LGR6: variants seen among roughly 807,000 people sequenced by gnomAD.
LGR6 encodes leucine-rich repeat-containing G protein-coupled receptor 6.
LGR6 carries 45 observed loss-of-function variants against 69.4 expected under a neutral mutation model. The observed-to-expected ratio is 0.65, with a 90% CI of 0.51 to 0.83. LGR6 has a LOEUF of 0.83. Among genes scored for constraint, LGR6 ranks in the 40% least tolerant of loss-of-function variants. The probability of loss-of-function intolerance (pLI) is 0.00; values close to 1 mark genes in which losing one functional copy is unlikely to be tolerated. For synonymous variants in LGR6, 538 were observed against 555.0 expected (o/e 0.97, Z 0.43); for missense variants, 1,108 against 1,246.7 (o/e 0.89, Z 1.68).
Position 202,231,324 on chromosome 1 carries a change from A to G in LGR6, c.356+3317A>G, listed in dbSNP as rs1219578886. ...ATGAACTGAATTGAACTGACCCACG[A>G]AGGGAAATGCTGGTCATTTGGGAGT... On this transcript the variant is annotated intron_variant, in intron 3 of 17. Transcript: ENST00000367278. 4.6e-5 allele frequency among the ~76,000 whole-genome samples: 7 copies of G among 152,198 alleles called. No individual in the cohort carries two copies. In the East Asian group the frequency reaches 1.3e-3, roughly 29 times the overall value.
chr1:202,287,432 A>G (rs189056801), intron 6 of LGR6, among the ~76,000 whole-genome samples: 8 of 152,230 alleles, frequency 5.3e-5, no homozygotes, highest in African/African-American at 1.9e-4. Flanking sequence ...CCCAAGGCTC[A>G]AGTTCTGTTT....
intron 6 of LGR6, among the ~76,000 whole-genome samples, chr1:202,287,456 TC>T (rs1027726846): frequency 1.3e-5 from 2 of 152,140 alleles, no homozygotes; most frequent in African/African-American, 4.8e-5. Context: ...CTTCTCTCCC[TC>T]CATGTTCTCA....
rs1003255641 is a variant in LGR6, at chr1:202,268,229, GCTGGCACCTGGCA to G, written c.429-8071_429-8059del. Among the ~76,000 whole-genome samples, 1 of 152,226 alleles carries G rather than the reference GCTGGCACCTGGCA, an allele frequency of 6.6e-6. No homozygotes were observed. The highest frequency in any genetic ancestry group is 2.4e-5 in the African/African-American group (1 of 41,466). On this transcript the variant is annotated intron_variant, in intron 4 of 17. Coordinates refer to ENST00000367278, the MANE Select transcript of LGR6 (RefSeq NM_001017403.2). This position sits in a 1 kb window ranked among gnomAD's most constrained non-coding sequence, Gnocchi z 4.4. ...GAGCCCCGTGGCCCTCCGTGCAGAA[GCTGGCACCTGGCA>G]CTGGCGGCTGGTGCTGGTGTGGGAG... is the stretch of plus-strand genomic sequence containing the variant.
At chr1:202,245,610 G>T in intron 4 of LGR6, among the ~76,000 whole-genome samples, 1 of 152,226 alleles carries the variant, frequency 6.6e-6, no homozygotes, top group Non-Finnish European at 1.5e-5. Context: ...TGCCCTCTGC[G>T]CCCCACAGAG....
At chr1:202,239,344 G>GGTGTGTGTGGT (rs1661947489) in intron 4 of LGR6, among the ~76,000 whole-genome samples, 1 of 144,156 alleles carries the variant, frequency 6.9e-6, no homozygotes, top group Non-Finnish European at 1.5e-5. Context: ...GTGTGTGTGT[G>GGTGTGTGTGGT]GTGTGTGTGT....
chr1:202,197,255 G>C (rs775711001), intron 1 of LGR6: 5 of 425,644 alleles, frequency 1.2e-5, no homozygotes, highest in Non-Finnish European at 2.4e-5. Context: ...TCTCCATCTT[G>C]GTTCTAGGGA....
At chr1:202,255,208 A>G (rs1369405873) in intron 4 of LGR6, among the ~76,000 whole-genome samples, 1 of 152,194 alleles carries the variant, frequency 6.6e-6, no homozygotes, top group African/African-American at 2.4e-5. Flanking sequence ...GTGGAGACAG[A>G]TGTGTGTCCC....
chr1:202,306,955 C>T lies in LGR6; in HGVS notation c.1208+16C>T. The stretch of plus-strand genomic sequence containing the variant: ...TGCAAGCCCTGTGAGTACCCACATC[C>T]AGGGGTGGGCCATGGAGGAGCCACC... On this transcript the variant is annotated intron_variant, in intron 13 of 17. Transcript: ENST00000367278. 2 of 1,608,162 alleles carry T rather than the reference C, an allele frequency of 1.2e-6. No homozygotes were observed. Among genetic ancestry groups the T allele is most frequent in the Non-Finnish European group, 1.7e-6 (2 of 1,174,680 alleles).
chr1:202,240,875 A>G (rs1427564907), intron 4 of LGR6, among the ~76,000 whole-genome samples: 12 of 152,154 alleles, frequency 7.9e-5, no homozygotes, highest in Admixed American at 7.9e-4. Context: ...GTGCCCCCAG[A>G]CTAATGCCCA....
intron 10 of LGR6, among the ~76,000 whole-genome samples, chr1:202,303,830 C>T (rs1667782559): frequency 6.6e-6 from 1 of 152,202 alleles, no homozygotes; most frequent in South Asian, 2.1e-4. Context: ...GAATGAGTGT[C>T]AGGAAGTCGG....
At chr1:202,206,889 T>TTTTA (rs139647235) in intron 1 of LGR6, among the ~76,000 whole-genome samples, 1,469 of 141,358 alleles carry the variant, frequency 0.01, 8 homozygotes, top group Middle Eastern at 0.014. Flanking sequence ...CTGCAAATTA[T>TTTTA]TTTATTTATT....
intron 3 of LGR6, among the ~76,000 whole-genome samples, chr1:202,234,254 G>A (rs1661334464): frequency 6.6e-6 from 1 of 152,212 alleles, no homozygotes; most frequent in African/African-American, 2.4e-5. Flanking sequence ...TGGCAAAGAG[G>A]AACCTAATCC....
intron 1 of LGR6, among the ~76,000 whole-genome samples, chr1:202,222,112 G>T (rs532650085): frequency 6.6e-6 from 1 of 152,316 alleles, no homozygotes; most frequent in African/African-American, 2.4e-5. Flanking sequence ...GTGGCTCTCG[G>T]CCTTGAAATC....
At chr1:202,221,665 T>C (rs1660162530) in intron 1 of LGR6, among the ~76,000 whole-genome samples, 1 of 152,254 alleles carries the variant, frequency 6.6e-6, no homozygotes, top group East Asian at 1.9e-4. Flanking sequence ...TAAACACATG[T>C]GCCCTCACAC....
intron 4 of LGR6, among the ~76,000 whole-genome samples, chr1:202,249,351 C>T (rs1663031194): frequency 6.6e-6 from 1 of 152,192 alleles, no homozygotes; most frequent in African/African-American, 2.4e-5. Flanking sequence ...CTCGATTCTC[C>T]TTGGAAGCTC....
At chr1:202,235,016 T>C (rs1366325526) in intron 3 of LGR6, among the ~76,000 whole-genome samples, 2 of 152,208 alleles carry the variant, frequency 1.3e-5, no homozygotes, top group African/African-American at 4.8e-5. Flanking sequence ...GTTTTCCTCC[T>C]ATGTCTTTAC....
intron 7 of LGR6, among the ~76,000 whole-genome samples, 159 bp downstream of exon 7, chr1:202,297,735 A>T (rs788825): frequency 6.9e-6 from 1 of 144,810 alleles, no homozygotes; most frequent in Non-Finnish European, 1.5e-5. Flanking sequence ...CCAAGCCCCA[A>T]TGCAGCTCTA....
chr1:202,283,894 G>T (rs1166543029), intron 6 of LGR6, among the ~76,000 whole-genome samples: 3 of 152,218 alleles, frequency 2.0e-5, no homozygotes, highest in African/African-American at 7.2e-5. Context: ...TTCCAACCCT[G>T]GCTTTGCCCC....
In LGR6 at chr1:202,310,366, C is replaced by A. The variant is rs1314319233; in HGVS notation, c.1567+9C>A. 14 of 1,612,550 alleles carry A rather than the reference C, an allele frequency of 8.7e-6. No homozygotes were observed. Among genetic ancestry groups the A allele is most frequent in the Non-Finnish European group, 1.2e-5 (14 of 1,179,716 alleles). The stretch of plus-strand genomic sequence containing the variant: ...ACAAGCAGAGAACCACTGTGAGTGA[C>A]CAGGGGCCCTGGGTTGGGGAGGGTA... On this transcript the variant is annotated intron_variant, in intron 16 of 17. Coordinates refer to ENST00000367278, the MANE Select transcript of LGR6 (RefSeq NM_001017403.2).
Sources: allele counts gnomAD v4.1 joint callset (sites outside exome capture counted in the v4.1 genomes callset), GRCh38; gene constraint gnomAD v4.1.1; non-coding constraint Gnocchi (gnomAD v3.1); transcripts MANE v1.5; gene names NCBI Gene and HGNC (gene_info 2026-07-23, HGNC 2026-07-21).